The following ADSS2 variants were observed in gnomAD, a reference collection of about 807,000 sequenced individuals.
ADSS2 encodes adenylosuccinate synthetase isozyme 2.
Under a neutral mutation model 60.0 loss-of-function variants are expected in ADSS2, and 30 were observed. That is an observed-to-expected ratio of 0.50 (90% CI 0.37 to 0.68). ADSS2 has a LOEUF of 0.68. Among genes scored for constraint, ADSS2 ranks in the 30% least tolerant of loss-of-function variants. The pLI, the probability that ADSS2 is intolerant of heterozygous loss-of-function variation, is 0.00. For missense variants in ADSS2, 373 were observed against 554.8 expected (o/e 0.67, Z 3.29); for synonymous variants, 187 against 193.1 (o/e 0.97, Z 0.26).
chr1:244,451,026 C>T lies in ADSS2; in HGVS notation c.183+609G>A, dbSNP rs1440591657. Reference sequence around the variant, plus strand: ...AAAAACAAAAACAAGAAACTCAGGGCCCTAAAACAACAGTCCAAAGCCCAG... The same window carrying T: ...AAAAACAAAAACAAGAAACTCAGGGTCCTAAAACAACAGTCCAAAGCCCAG... On this transcript the variant is annotated intron_variant, in intron 1 of 12. Transcript: ENST00000366535. This position sits in a 1 kb window ranked among gnomAD's most constrained non-coding sequence, Gnocchi z 6.6. Among the ~76,000 whole-genome samples, 2 of 152,186 alleles carry T rather than the reference C, an allele frequency of 1.3e-5. No individual in the cohort carries two copies. The highest frequency in any genetic ancestry group is 2.9e-5 in the Non-Finnish European group (2 of 68,032).
intron 11 of ADSS2, among the ~76,000 whole-genome samples, chr1:244,411,658 G>A (rs1664421365): frequency 6.6e-6 from 1 of 152,202 alleles, no homozygotes; most frequent in African/African-American, 2.4e-5. Context: ...ATGATCATTT[G>A]CTATAAGAGG....
intron 11 of ADSS2, among the ~76,000 whole-genome samples, chr1:244,414,355 G>A (rs569312864): frequency 3.9e-5 from 6 of 152,218 alleles, no homozygotes; most frequent in Non-Finnish European, 8.8e-5. Context: ...AACAGATAGG[G>A]AATCTCAGTA....
Position 244,451,466 on chromosome 1 carries a change from CCCG to C in ADSS2, c.183+166_183+168del, listed in dbSNP as rs1665596857. On this transcript the variant is annotated intron_variant, in intron 1 of 12. Transcript: ENST00000366535. This position sits in a 1 kb window ranked among gnomAD's most constrained non-coding sequence, Gnocchi z 6.6. ...GCTCCAGGTCAGGGGTCCCCGACCTCCCGCCATTTCTCCACGTAGCCGCAGCTC... is the reference window on the plus strand; with the variant it reads ...GCTCCAGGTCAGGGGTCCCCGACCTCCCATTTCTCCACGTAGCCGCAGCTC... Among the ~76,000 whole-genome samples the C allele has an allele frequency of 6.6e-6, 1 of 152,210 alleles. No homozygotes were observed. Among genetic ancestry groups the C allele is most frequent in the South Asian group, 2.1e-4 (1 of 4,836 alleles).
chr1:244,419,074 T>C (rs1664614654), intron 8 of ADSS2, 160 bp from the exon 9 acceptor site: 1 of 699,288 alleles, frequency 1.4e-6, no homozygotes, highest in Non-Finnish European at 2.2e-6. Flanking sequence ...TTTTTATTCA[T>C]TTTAGCTGTA....
chr1:244,441,854 G>C (rs924783623), intron 1 of ADSS2, among the ~76,000 whole-genome samples: 1 of 152,120 alleles, frequency 6.6e-6, no homozygotes, highest in South Asian at 2.1e-4. Flanking sequence ...TACTCGGGAG[G>C]CTGAGGCAGG....
At chr1:244,441,615 C>T (rs796768333) in intron 1 of ADSS2, among the ~76,000 whole-genome samples, 40 of 152,016 alleles carry the variant, frequency 2.6e-4, no homozygotes, top group African/African-American at 8.9e-4. Flanking sequence ...TCCCTGAGAC[C>T]GCATGTGCAT....
chr1:244,416,150 C>T (rs1027070509), intron 10 of ADSS2, 72 bp from the exon 11 acceptor site: 2 of 1,019,918 alleles, frequency 2.0e-6, no homozygotes, highest in Admixed American at 2.3e-5. Context: ...TTGATTAATG[C>T]AGGAGTAAAG....
rs1203334749 is a variant in ADSS2 at position 244,436,820 on chromosome 1, C to CAT, written c.355+3_355+4dup. 3 of 1,606,872 alleles carry CAT rather than the reference C, an allele frequency of 1.9e-6. No homozygotes were observed. In the African/African-American group the frequency reaches 4.0e-5, roughly 21 times the overall value. On this transcript the variant is annotated splice_donor_region_variant and intron_variant, in intron 3 of 12. Transcript: ENST00000366535. ...TGGTTACCAAGTAGACTCATTCTTT[C>CAT]ATACCTTTTCCTTTTTGAACATTTT...
Position 244,418,707 on chromosome 1 carries a change from A to G in ADSS2, c.945+53T>C, listed in dbSNP as rs963300318. 3.4e-5 allele frequency: 50 copies of G among 1,485,170 alleles called. 1 individual carries two copies. In the South Asian group the frequency reaches 6.8e-4, roughly 20 times the overall value. The allele number at this position is 1,485,170 out of a possible 1,614,324, so 92.0% of individuals were successfully genotyped here. ...GGAGACAATAATTCATTAAGAAAAA[A>G]AAGAAGAATGAATTTTTAATACATT... On this transcript the variant is annotated intron_variant, in intron 9 of 12. Coordinates refer to ENST00000366535, the MANE Select transcript of ADSS2 (RefSeq NM_001126.5).
At chr1:244,444,531 A>G (rs1257059572) in intron 1 of ADSS2, among the ~76,000 whole-genome samples, 1 of 144,600 alleles carries the variant, frequency 6.9e-6, no homozygotes, top group African/African-American at 2.6e-5. Context: ...AAAAAAAAAA[A>G]AAAAAGATGA....
chr1:244,435,168 CAAAAAAAAAAAAAAAA>C (rs60576167), intron 3 of ADSS2, among the ~76,000 whole-genome samples: 6 of 51,730 alleles, frequency 1.2e-4, no homozygotes, highest in South Asian at 1.1e-3. Context: ...ACTCCGTCTC[CAAAAAAAAAAAAAAAA>C]AAAAAAAAAA....
intron 4 of ADSS2, chr1:244,425,000 G>A (rs1057305152): frequency 6.6e-6 from 1 of 152,430 alleles, no homozygotes; most frequent in African/African-American, 2.4e-5. Context: ...ACTGCCCTCT[G>A]GTCACACTGG....
At chr1:244,414,949 G>A (rs1664494973) in intron 11 of ADSS2, among the ~76,000 whole-genome samples, 7 of 152,206 alleles carry the variant, frequency 4.6e-5, no homozygotes. Flanking sequence ...TAGTCCCTCT[G>A]CTTCTTTCAT....
chr1:244,422,834 C>T lies in ADSS2; in HGVS notation c.663+1G>A. The T allele has an allele frequency of 6.3e-7, 1 of 1,580,268 alleles. No individual in the cohort carries two copies. Among genetic ancestry groups the T allele is most frequent in the Non-Finnish European group, 8.7e-7 (1 of 1,150,398 alleles). On this transcript the variant is annotated splice_donor_variant, in intron 7 of 12. Transcript: ENST00000366535. LOFTEE classifies it high-confidence loss of function. ...ACATTAAAGATGCCAGAAAGCATTA[C>T]CTTGAGTTTTTGTAATTCACCTTCA...
chr1:244,446,687 TG>T (rs1325294811), intron 1 of ADSS2, among the ~76,000 whole-genome samples: 3 of 152,058 alleles, frequency 2.0e-5, no homozygotes, highest in African/African-American at 7.2e-5. Context: ...CTTTAGACTC[TG>T]GGTACCAAAC....
intron 4 of ADSS2, among the ~76,000 whole-genome samples, chr1:244,431,037 T>G (rs1664930394): frequency 6.6e-6 from 1 of 152,082 alleles, no homozygotes; most frequent in Non-Finnish European, 1.5e-5. Flanking sequence ...AAGAATCACT[T>G]GAACCCGGGA....
intron 4 of ADSS2, 54 bp downstream of exon 4, chr1:244,432,491 G>A: frequency 7.8e-7 from 1 of 1,287,060 alleles, no homozygotes; most frequent in Non-Finnish European, 1.1e-6. Flanking sequence ...ACTTTCATTT[G>A]ATAAATTTCA....
intron 3 of ADSS2, among the ~76,000 whole-genome samples, chr1:244,436,405 A>G (rs1186899017): frequency 1.3e-5 from 2 of 152,202 alleles, no homozygotes; most frequent in African/African-American, 4.8e-5. Flanking sequence ...AGAAGGAGGG[A>G]CCTAAACGAT....
intron 1 of ADSS2, among the ~76,000 whole-genome samples, chr1:244,444,561 A>G (rs958270107): frequency 2.7e-5 from 4 of 149,514 alleles, no homozygotes; most frequent in Admixed American, 6.6e-5. Flanking sequence ...AAAATATTAA[A>G]TAAGCTTCTT....
Sources: gnomAD v4.1 joint callset for allele counts (sites outside exome capture counted in the v4.1 genomes callset) on GRCh38, gnomAD v4.1.1 for gene constraint, Gnocchi (gnomAD v3.1) non-coding constraint, MANE v1.5 for transcripts, NCBI Gene and HGNC (gene_info 2026-07-23, HGNC 2026-07-21) for gene names.